The following PCDH9 variants were observed in gnomAD, a reference collection of about 807,000 sequenced individuals.
PCDH9 encodes the protein protocadherin-9.
PCDH9 carries 24 observed loss-of-function variants against 70.6 expected under a neutral mutation model. The ratio of observed to expected loss-of-function variants is 0.34; its 90% CI spans 0.25 to 0.48. PCDH9 has a LOEUF of 0.48. Ranked by LOEUF, PCDH9 falls within the 20% of genes least tolerant of loss-of-function variation. PCDH9 has a pLI of 0.99. For missense variants in PCDH9, 1,281 were observed against 1,503.6 expected (o/e 0.85, Z 2.45); for synonymous variants, 562 against 558.5 (o/e 1.01, Z -0.09).
At chr13:66,308,536 T>C (rs1955509619) in intron 4 of PCDH9, among the ~76,000 whole-genome samples, 1 of 152,076 alleles carries the variant, frequency 6.6e-6, no homozygotes, top group Non-Finnish European at 1.5e-5. Context: ...AATTTTTTTG[T>C]TGGAGCTCTA....
intron 3 of PCDH9, 99 bp from the exon 4 acceptor site, chr13:66,631,510 T>C (rs893954169): frequency 4.4e-6 from 3 of 686,588 alleles, no homozygotes; most frequent in African/African-American, 3.6e-5. Context: ...AGTAACACAA[T>C]GTAAAAGCAA....
chr13:67,060,475 T>C (rs1167086241), intron 2 of PCDH9, among the ~76,000 whole-genome samples: 1 of 152,062 alleles, frequency 6.6e-6, no homozygotes, highest in Non-Finnish European at 1.5e-5. Flanking sequence ...AAATAAATGA[T>C]AACTATTCTT....
At chr13:66,833,468 T>G (rs144351075) in intron 3 of PCDH9, among the ~76,000 whole-genome samples, 1 of 152,294 alleles carries the variant, frequency 6.6e-6, no homozygotes, top group East Asian at 1.9e-4. Flanking sequence ...CCTCACTCAC[T>G]CTGTACGTCT....
At chr13:66,634,597 G>C (rs1201965461) in intron 3 of PCDH9, among the ~76,000 whole-genome samples, 1 of 152,108 alleles carries the variant, frequency 6.6e-6, no homozygotes, top group African/African-American at 2.4e-5. Flanking sequence ...TGGAAGTGTT[G>C]AAAGGCTAAA....
intron 2 of PCDH9, among the ~76,000 whole-genome samples, chr13:67,059,330 C>A: frequency 7.5e-6 from 1 of 133,838 alleles, no homozygotes; most frequent in Non-Finnish European, 1.6e-5. Context: ...AAAAAAAAAA[C>A]AAATTTCAAA....
chr13:66,541,778 G>T (rs1487777566), intron 4 of PCDH9, among the ~76,000 whole-genome samples: 1 of 152,142 alleles, frequency 6.6e-6, no homozygotes, highest in Non-Finnish European at 1.5e-5. Flanking sequence ...GTTTCGGGTG[G>T]AAACTGTCTG....
intron 3 of PCDH9, among the ~76,000 whole-genome samples, chr13:66,677,997 T>A (rs911910011): frequency 1.3e-5 from 2 of 152,166 alleles, no homozygotes; most frequent in Admixed American, 6.6e-5. Context: ...TCAGCTTTAC[T>A]TAAAAATCAG....
At chr13:66,528,280 G>A (rs1039699796) in intron 4 of PCDH9, among the ~76,000 whole-genome samples, 2 of 152,038 alleles carry the variant, frequency 1.3e-5, no homozygotes, top group African/African-American at 4.8e-5. Context: ...TCAGCAGTTC[G>A]CTTCACAGGG....
intron 4 of PCDH9, among the ~76,000 whole-genome samples, chr13:66,444,433 AT>A (rs1373647581): frequency 4.6e-5 from 7 of 152,220 alleles, no homozygotes; most frequent in African/African-American, 1.7e-4. Context: ...AAATGAAGTT[AT>A]AACTGTTAGA....
intron 2 of PCDH9, among the ~76,000 whole-genome samples, chr13:67,095,399 A>G (rs1594505088): frequency 6.6e-6 from 1 of 152,172 alleles, no homozygotes; most frequent in East Asian, 1.9e-4. Flanking sequence ...TTTAAAAAGT[A>G]ATATATTTAA....
At chr13:66,790,860 A>T (rs1189693250) in intron 3 of PCDH9, among the ~76,000 whole-genome samples, 1 of 152,096 alleles carries the variant, frequency 6.6e-6, no homozygotes, top group Non-Finnish European at 1.5e-5. Flanking sequence ...AAGACTAATC[A>T]CCTATACTGT....
At chr13:67,225,339 A>G (rs1432022428) in intron 2 of PCDH9, 66 bp downstream of exon 2, 3 of 1,495,118 alleles carry the variant, frequency 2.0e-6, no homozygotes, top group East Asian at 4.5e-5. Context: ...ACATACTGGC[A>G]CGTTAATACT....
At chr13:66,901,745 G>T (rs1276339676) in intron 3 of PCDH9, among the ~76,000 whole-genome samples, 1 of 151,450 alleles carries the variant, frequency 6.6e-6, no homozygotes, top group East Asian at 1.9e-4. Flanking sequence ...AAAAAAGTAT[G>T]ATTTATAGAA....
intron 4 of PCDH9, among the ~76,000 whole-genome samples, chr13:66,374,386 A>C (rs1293088017): frequency 1.3e-5 from 2 of 151,982 alleles, no homozygotes; most frequent in African/African-American, 4.8e-5. Context: ...GTGAAGGAGG[A>C]ATTAAAAAGA....
At chr13:66,721,639 A>G (rs559357621) in intron 3 of PCDH9, among the ~76,000 whole-genome samples, 12 of 152,272 alleles carry the variant, frequency 7.9e-5, no homozygotes, top group South Asian at 6.2e-4. Flanking sequence ...CAATATATAC[A>G]TTTAAAACTC....
At chr13:67,103,926 T>C (rs1033376469) in intron 2 of PCDH9, among the ~76,000 whole-genome samples, 3 of 152,012 alleles carry the variant, frequency 2.0e-5, no homozygotes, top group African/African-American at 7.2e-5. Context: ...ATTGTGAGAG[T>C]TCAGGGACCT....
intron 4 of PCDH9, among the ~76,000 whole-genome samples, chr13:66,309,798 T>C (rs1301719727): frequency 6.6e-6 from 1 of 151,768 alleles, no homozygotes; most frequent in African/African-American, 2.4e-5. Flanking sequence ...CAGATTTTGT[T>C]TGTGTGTGAG....
intron 2 of PCDH9, among the ~76,000 whole-genome samples, chr13:67,036,249 C>G (rs549926418): frequency 9.9e-5 from 15 of 152,278 alleles, no homozygotes; most frequent in South Asian, 4.1e-4. Context: ...GTTTTAGGTA[C>G]AGTGAGGTTG....
At chr13:66,582,655 T>TAAAATA (rs2076908860) in intron 4 of PCDH9, among the ~76,000 whole-genome samples, 2 of 152,066 alleles carry the variant, frequency 1.3e-5, no homozygotes, top group South Asian at 4.2e-4. Flanking sequence ...AATAAATAAA[T>TAAAATA]AAAACAGATA....
Sources: allele counts gnomAD v4.1 joint callset (sites outside exome capture counted in the v4.1 genomes callset), GRCh38; gene constraint gnomAD v4.1.1; transcripts MANE v1.5; gene names NCBI Gene and HGNC (gene_info 2026-07-23, HGNC 2026-07-21).